DKK3: variants seen among roughly 807,000 people sequenced by gnomAD.
DKK3 encodes the protein dickkopf Wnt signaling pathway inhibitor 3.
Under a neutral mutation model 33.2 loss-of-function variants are expected in DKK3, and 22 were observed. The ratio of observed to expected loss-of-function variants is 0.66; its 90% CI spans 0.47 to 0.95. The LOEUF is 0.95. Among genes scored for constraint, DKK3 ranks in the 40% least tolerant of loss-of-function variants. The pLI is 0.00. For missense variants in DKK3, 398 were observed against 458.4 expected, an observed-to-expected ratio of 0.87 and a Z score of 1.20; for synonymous variants, 194 against 188.8, an observed-to-expected ratio of 1.03 and a Z score of -0.23.
upstream of DKK3, chr11:12,009,152 C>T (rs1053277431): frequency 1.3e-4 from 132 of 985,168 alleles, no homozygotes; most frequent in Non-Finnish European, 3.9e-5. Context: ...TCCCCTCCCC[C>T]GCCGCCGCCC....
intron 3 of DKK3, among the ~76,000 whole-genome samples, chr11:11,978,654 T>C (rs1009840409): frequency 1.3e-5 from 2 of 152,196 alleles, no homozygotes; most frequent in African/African-American, 4.8e-5. Flanking sequence ...GATGGGATTA[T>C]AGGTGTGAGC....
intron 4 of DKK3, 38 bp from the exon 5 acceptor site, chr11:11,967,136 A>C (rs756023383): frequency 1.2e-6 from 2 of 1,604,600 alleles, no homozygotes; most frequent in Non-Finnish European, 1.7e-6. Context: ...CCAGCGGCTT[A>C]GGGACTGGGG....
chr11:12,005,282 G>C, intron 1 of DKK3, among the ~76,000 whole-genome samples: 1 of 152,186 alleles, frequency 6.6e-6, no homozygotes, highest in South Asian at 2.1e-4. Flanking sequence ...TAAAAGTATA[G>C]TTTACAATGG....
chr11:12,002,168 A>T, intron 2 of DKK3, 132 bp downstream of exon 2: 1 of 1,031,372 alleles, frequency 9.7e-7, no homozygotes, highest in Non-Finnish European at 1.3e-6. Context: ...TCTGGTTTTC[A>T]ATCCGTATTT....
chr11:11,986,855 C>T (rs141421243), intron 3 of DKK3, among the ~76,000 whole-genome samples: 3 of 152,190 alleles, frequency 2.0e-5, no homozygotes, highest in African/African-American at 7.2e-5. Context: ...ACGTAAAACA[C>T]TGGGTATACA....
chr11:11,965,997 C>A, intron 5 of DKK3, 32 bp from the exon 6 acceptor site: 1 of 1,591,500 alleles, frequency 6.3e-7, no homozygotes, highest in African/African-American at 1.3e-5. Context: ...CCCTGTGTGC[C>A]CCGTGTAGGG....
intron 3 of DKK3, among the ~76,000 whole-genome samples, chr11:11,985,339 C>G (rs1357534507): frequency 1.3e-5 from 2 of 152,244 alleles, no homozygotes; most frequent in Non-Finnish European, 2.9e-5. Context: ...CGACAGTGAG[C>G]TCCCCAAGCT....
intron 3 of DKK3, among the ~76,000 whole-genome samples, chr11:11,988,760 C>G (rs889417358): frequency 6.6e-6 from 1 of 152,200 alleles, no homozygotes. Flanking sequence ...AATCACATCT[C>G]TGGATCCCCA....
Position 11,973,671 on chromosome 11 carries a change from G to A in DKK3, c.436-5184C>T, listed in dbSNP as rs187984608. ...ATATTTAGAAAGCTCAGAAGCTGGC[G>A]GGAGCGAGGGCTGACCGGGAACACA... On this transcript the variant is annotated intron_variant, in intron 3 of 6. Coordinates refer to ENST00000683431, the MANE Select transcript of DKK3 (RefSeq NM_001018057.2). Among the ~76,000 whole-genome samples the A allele has an allele frequency of 2.3e-3, 358 of 152,350 alleles. 2 individuals are homozygous for A. Among genetic ancestry groups the A allele is most frequent in the Non-Finnish European group, 2.1e-3 (140 of 68,044 alleles).
At chr11:12,009,142 T>A (rs1187727111), upstream of DKK3, 25 of 981,948 alleles carry the variant, frequency 2.5e-5, no homozygotes, top group East Asian at 1.2e-4. Flanking sequence ...AGCAGAGTCG[T>A]CCCCTCCCCC....
chr11:11,967,989 GAAGCA>G (rs1847638309), intron 4 of DKK3, among the ~76,000 whole-genome samples: 1 of 152,140 alleles, frequency 6.6e-6, no homozygotes, highest in Non-Finnish European at 1.5e-5. Flanking sequence ...ATCCCCAGGG[GAAGCA>G]ACAGGTGTAG....
At chr11:11,993,613 C>A (rs1220122079) in intron 3 of DKK3, among the ~76,000 whole-genome samples, 5 of 152,150 alleles carry the variant, frequency 3.3e-5, no homozygotes, top group Non-Finnish European at 4.4e-5. Flanking sequence ...GAATTATTTA[C>A]CCATTTCTCA....
intron 3 of DKK3, among the ~76,000 whole-genome samples, chr11:11,989,965 C>T (rs1445442125): frequency 6.6e-6 from 1 of 152,188 alleles, no homozygotes; most frequent in Non-Finnish European, 1.5e-5. Context: ...AGTCAGATGC[C>T]TGGCACAGCG....
At chr11:12,003,320 G>T (rs1038352597) in intron 1 of DKK3, among the ~76,000 whole-genome samples, 3 of 152,102 alleles carry the variant, frequency 2.0e-5, no homozygotes, top group Non-Finnish European at 4.4e-5. Flanking sequence ...TACCCTTGTA[G>T]GAAATCCTTG....
At chr11:11,988,891 A>G (rs958662236) in intron 3 of DKK3, among the ~76,000 whole-genome samples, 11 of 152,194 alleles carry the variant, frequency 7.2e-5, no homozygotes, top group Non-Finnish European at 1.5e-5. Context: ...GTTAAGCTTT[A>G]AAAACACTCC....
At chr11:11,964,756 T>G (rs995968624) in intron 6 of DKK3, 70 bp from the exon 7 acceptor site, 1 of 1,551,378 alleles carries the variant, frequency 6.4e-7, no homozygotes, top group African/African-American at 1.4e-5. Flanking sequence ...TAAGGCGCCC[T>G]GACTCTGTGG....
chr11:12,000,566 C>T (rs1590553100), intron 2 of DKK3, among the ~76,000 whole-genome samples: 1 of 150,306 alleles, frequency 6.7e-6, no homozygotes, highest in East Asian at 2.0e-4. Context: ...AATGCAGTGG[C>T]ATGATCTCAG....
In DKK3 at chr11:11,968,404, G is replaced by T; in HGVS notation, c.519C>A (p.Gly173=). 1.2e-6 allele frequency: 2 copies of T among 1,612,664 alleles called. No individual in the cohort carries two copies. The highest frequency in any genetic ancestry group is 1.7e-6 in the Non-Finnish European group (2 of 1,179,230). The change falls in exon 4 of 7, where the codon GGC becomes GGA. Residue 173 remains glycine (G), a synonymous_variant. Coordinates refer to ENST00000683431, the MANE Select transcript of DKK3 (RefSeq NM_001018057.2). ...GCCCTGGCATACTCACCATCCTCTGGCCCCGGCATGGCTGGCAGGTGTACT... is the reference window on the plus strand; with the variant it reads ...GCCCTGGCATACTCACCATCCTCTGTCCCCGGCATGGCTGGCAGGTGTACT... The part of the protein sequence containing the change: ...SFQYTCQPCR[G]QRMLCTRDSE...
At chr11:12,002,138 T>A (rs1264964079) in intron 2 of DKK3, 162 bp downstream of exon 2, 1 of 781,310 alleles carries the variant, frequency 1.3e-6, no homozygotes, top group East Asian at 2.8e-5. Flanking sequence ...CTCTCCACTT[T>A]CAACAGTAAC....
Sources: gnomAD v4.1 joint callset for allele counts (sites outside exome capture counted in the v4.1 genomes callset) on GRCh38, gnomAD v4.1.1 for gene constraint, MANE v1.5 for transcripts, NCBI Gene and HGNC (gene_info 2026-07-23, HGNC 2026-07-21) for gene names.